The following RAB28 variants were observed in gnomAD, a reference collection of about 807,000 sequenced individuals.
The protein encoded by RAB28 is RAB28, member RAS oncogene family, also known as ras-related protein Rab-28.
A neutral mutation model predicts 31.7 loss-of-function variants in RAB28; 24 were observed. The observed-to-expected ratio is 0.76, with a 90% CI of 0.55 to 1.06. The LOEUF (loss-of-function observed/expected upper bound fraction) is 1.06, where lower values mean the gene tolerates loss of function less well. RAB28 is among the 50% of genes least tolerant of loss of function. The pLI, the probability that RAB28 is intolerant of heterozygous loss-of-function variation, is 0.00. For missense variants in RAB28, 254 were observed against 258.5 expected, an observed-to-expected ratio of 0.98 and a Z score of 0.12; for synonymous variants, 100 against 90.4, an observed-to-expected ratio of 1.11 and a Z score of -0.60.
At chr4:13,435,735 T>C (rs560961343) in intron 4 of RAB28, among the ~76,000 whole-genome samples, 1 of 152,108 alleles carries the variant, frequency 6.6e-6, no homozygotes, top group East Asian at 1.9e-4. Flanking sequence ...CAATAAAAAA[T>C]ATATTAAACA....
chr4:13,466,041 T>A (rs189903229), intron 3 of RAB28, among the ~76,000 whole-genome samples: 6 of 152,070 alleles, frequency 3.9e-5, no homozygotes, highest in Admixed American at 2.0e-4. Context: ...AATTGGACCC[T>A]TATCTCACAA....
chr4:13,439,871 T>C (rs545535662), intron 4 of RAB28, among the ~76,000 whole-genome samples: 38 of 152,324 alleles, frequency 2.5e-4, no homozygotes, highest in African/African-American at 8.9e-4. Flanking sequence ...AACACAACTA[T>C]ATACGTACAA....
At chr4:13,483,208 C>T (rs1325360658) in intron 1 of RAB28, among the ~76,000 whole-genome samples, 1 of 152,162 alleles carries the variant, frequency 6.6e-6, no homozygotes, top group Non-Finnish European at 1.5e-5. Context: ...AGTATTTACT[C>T]CATTTCAGGA....
intron 4 of RAB28, among the ~76,000 whole-genome samples, chr4:13,401,262 G>C (rs1410824057): frequency 6.6e-6 from 1 of 152,130 alleles, no homozygotes; most frequent in Admixed American, 6.6e-5. Flanking sequence ...AAATGCAGAA[G>C]TATTCAGATT....
chr4:13,433,663 G>A, intron 4 of RAB28, among the ~76,000 whole-genome samples: 1 of 152,166 alleles, frequency 6.6e-6, no homozygotes, highest in Middle Eastern at 3.4e-3. Context: ...AATAATAGAT[G>A]CTGGAGAGGC....
chr4:13,408,162 T>A (rs1243271385), intron 4 of RAB28, among the ~76,000 whole-genome samples: 2 of 152,158 alleles, frequency 1.3e-5, no homozygotes, highest in Admixed American at 1.3e-4. Context: ...CATAAATAGC[T>A]CTTATTATTT....
At chr4:13,464,737 C>G (rs1261456841) in intron 3 of RAB28, among the ~76,000 whole-genome samples, 1 of 152,002 alleles carries the variant, frequency 6.6e-6, no homozygotes. Context: ...TTCTATTTAC[C>G]TGAATCTTAT....
chr4:13,479,321 T>C (rs528694957), intron 2 of RAB28, 109 bp downstream of exon 2: 3 of 709,060 alleles, frequency 4.2e-6, no homozygotes, highest in Admixed American at 2.7e-5. Flanking sequence ...ACTGTTTATA[T>C]ACATCTTCAT....
At chr4:13,410,749 C>T (rs1255035680) in intron 4 of RAB28, among the ~76,000 whole-genome samples, 1 of 151,900 alleles carries the variant, frequency 6.6e-6, no homozygotes, top group Non-Finnish European at 1.5e-5. Flanking sequence ...AAAAATAAGG[C>T]AAGAACAGGC....
chr4:13,430,767 C>T (rs540501508), intron 4 of RAB28, among the ~76,000 whole-genome samples: 1 of 152,152 alleles, frequency 6.6e-6, no homozygotes, highest in Non-Finnish European at 1.5e-5. Flanking sequence ...CTTTGGCAAG[C>T]ACAGGAGACC....
At chr4:13,404,570 T>G (rs868490458) in intron 4 of RAB28, among the ~76,000 whole-genome samples, 4 of 151,998 alleles carry the variant, frequency 2.6e-5, no homozygotes, top group Non-Finnish European at 4.4e-5. Context: ...CTATACTGCA[T>G]AAAAAGGAAA....
At chr4:13,408,910 TATAA>T (rs1299435922) in intron 4 of RAB28, among the ~76,000 whole-genome samples, 2 of 152,218 alleles carry the variant, frequency 1.3e-5, no homozygotes, top group South Asian at 2.1e-4. Context: ...ATTTCAATGA[TATAA>T]ATATATTTTG....
intron 6 of RAB28, among the ~76,000 whole-genome samples, chr4:13,374,643 T>C (rs1023766973): frequency 2.0e-5 from 3 of 152,072 alleles, no homozygotes; most frequent in Non-Finnish European, 4.4e-5. Context: ...ACTTCTATCC[T>C]CTCTTATCCA....
chr4:13,438,108 TAA>T (rs1319234425), intron 4 of RAB28, among the ~76,000 whole-genome samples: 1 of 152,148 alleles, frequency 6.6e-6, no homozygotes, highest in Admixed American at 6.5e-5. Context: ...ATTAAAATAT[TAA>T]GAGAGGATCT....
chr4:13,447,339 T>C (rs1714750140), intron 4 of RAB28, among the ~76,000 whole-genome samples: 1 of 152,192 alleles, frequency 6.6e-6, no homozygotes, highest in Non-Finnish European at 1.5e-5. Flanking sequence ...CCACAAAGTC[T>C]TTCTTGATCT....
chr4:13,415,364 G>C (rs1201597218), intron 4 of RAB28, among the ~76,000 whole-genome samples: 1 of 152,208 alleles, frequency 6.6e-6, no homozygotes, highest in African/African-American at 2.4e-5. Context: ...GCTGAGGCCG[G>C]AGCCGGCTCC....
At chr4:13,481,644 A>C (rs1716609467) in intron 1 of RAB28, among the ~76,000 whole-genome samples, 1 of 152,104 alleles carries the variant, frequency 6.6e-6, no homozygotes, top group Admixed American at 6.5e-5. Flanking sequence ...TTGCCTCAAA[A>C]AGCTCTTAAG....
chr4:13,470,217 T>C (rs1716056324), intron 3 of RAB28, among the ~76,000 whole-genome samples: 1 of 152,102 alleles, frequency 6.6e-6, no homozygotes, highest in Non-Finnish European at 1.5e-5. Flanking sequence ...TAGTTACATA[T>C]AGAAATGAAT....
rs369210495 is a variant in RAB28, at chr4:13,460,502, C to T, written c.391+197G>A. Reference sequence around the variant, plus strand: ...AAGTGCTGGGACTACAAGCATTAGCCACTGCGCCCTGCCAGATGTCATTCT... The same window carrying T: ...AAGTGCTGGGACTACAAGCATTAGCTACTGCGCCCTGCCAGATGTCATTCT... On this transcript the variant is annotated intron_variant, in intron 4 of 6. Transcript: ENST00000330852. 2.6e-5 allele frequency among the ~76,000 whole-genome samples: 4 copies of T among 152,174 alleles called. No individual in the cohort carries two copies. The South Asian group carries it at 6.2e-4, about 24-fold the overall frequency.
Sources: gnomAD v4.1 joint callset for allele counts (sites outside exome capture counted in the v4.1 genomes callset) on GRCh38, gnomAD v4.1.1 for gene constraint, MANE v1.5 for transcripts, NCBI Gene and HGNC (gene_info 2026-07-23, HGNC 2026-07-21) for gene names.